Variants in FRY observed in about 807,000 individuals in gnomAD.
FRY encodes the protein protein furry homolog.
In FRY, 128 loss-of-function variants were observed where a neutral mutation model predicts 348.4. The observed-to-expected ratio is 0.37, with a 90% CI of 0.32 to 0.43. The LOEUF (loss-of-function observed/expected upper bound fraction) is 0.43, where lower values mean the gene tolerates loss of function less well. Among genes scored for constraint, FRY ranks in the 20% least tolerant of loss-of-function variants. FRY has a pLI of 1.00. For missense variants in FRY, 2,736 were observed against 3,695.2 expected (o/e 0.74, Z 6.73); for synonymous variants, 1,370 against 1,374.7 (o/e 1.00, Z 0.08).
Position 32,276,448 on chromosome 13 carries a change from AT to A in FRY, c.8287-12del. Reference sequence around the variant, plus strand: ...TATCTCTCTAGTTTTAATACCAATTATTTTCCTGTCTTTAGCTCCTTTCATG... The same window carrying A: ...TATCTCTCTAGTTTTAATACCAATTATTTCCTGTCTTTAGCTCCTTTCATG... On this transcript the variant is annotated splice_polypyrimidine_tract_variant and intron_variant, in intron 56 of 60. Coordinates refer to ENST00000542859, the MANE Select transcript of FRY (RefSeq NM_023037.3). 7.4e-7 allele frequency: 1 copy of A among 1,350,780 alleles called. No homozygotes were observed. The highest frequency in any genetic ancestry group is 1.1e-6 in the Non-Finnish European group (1 of 939,678). 83.7% of individuals were successfully genotyped at this position (1,350,780 alleles called of 1,614,324 possible).
chr13:32,066,497 A>G (rs550137690), intron 1 of FRY, among the ~76,000 whole-genome samples: 5 of 152,336 alleles, frequency 3.3e-5, no homozygotes, highest in African/African-American at 1.2e-4. Flanking sequence ...ATATATTGCC[A>G]CAGGTTGGGG....
At chr13:32,205,844 G>A (rs887519619) in intron 31 of FRY, among the ~76,000 whole-genome samples, 7 of 151,890 alleles carry the variant, frequency 4.6e-5, no homozygotes, top group African/African-American at 1.5e-4. Flanking sequence ...AGAAACAATG[G>A]CAATAGTCCA....
chr13:32,041,702 C>G (rs557922391), intron 1 of FRY, among the ~76,000 whole-genome samples: 1 of 152,268 alleles, frequency 6.6e-6, no homozygotes, highest in Non-Finnish European at 1.5e-5. Flanking sequence ...GTTGAGGGTG[C>G]AAGACAACCT....
chr13:32,227,708 C>T (rs1885655139), intron 39 of FRY, among the ~76,000 whole-genome samples: 2 of 151,494 alleles, frequency 1.3e-5, no homozygotes, highest in African/African-American at 4.9e-5. Flanking sequence ...AGTAACCAGC[C>T]ATTAAGTGAC....
chr13:32,222,263 G>A (rs772567888), intron 36 of FRY, among the ~76,000 whole-genome samples: 1 of 152,196 alleles, frequency 6.6e-6, no homozygotes, highest in Non-Finnish European at 1.5e-5. Flanking sequence ...AGTGGGGTGA[G>A]CAAGGGTGCG....
intron 35 of FRY, among the ~76,000 whole-genome samples, chr13:32,217,704 C>T (rs1885075775): frequency 6.6e-6 from 1 of 152,200 alleles, no homozygotes; most frequent in Admixed American, 6.5e-5. Flanking sequence ...CAACACTAGA[C>T]AAGGTGTATA....
At chr13:32,113,484 A>G (rs1324706486) in intron 3 of FRY, among the ~76,000 whole-genome samples, 3 of 152,220 alleles carry the variant, frequency 2.0e-5, no homozygotes, top group Non-Finnish European at 2.9e-5. Flanking sequence ...ACATTAAAAC[A>G]TTTACAAAGT....
chr13:32,167,565 G>T (rs1276082283), intron 17 of FRY, among the ~76,000 whole-genome samples: 3 of 152,162 alleles, frequency 2.0e-5, no homozygotes. Flanking sequence ...CATCTGCAAT[G>T]ACCTCATTTC....
chr13:32,188,080 A>G (rs1369968649), intron 28 of FRY, among the ~76,000 whole-genome samples: 1 of 152,170 alleles, frequency 6.6e-6, no homozygotes, highest in African/African-American at 2.4e-5. Flanking sequence ...TGTGGGCTGT[A>G]AGTAAAGCCT....
intron 1 of FRY, among the ~76,000 whole-genome samples, chr13:32,037,007 G>T (rs1304236546): frequency 1.4e-5 from 2 of 144,558 alleles, no homozygotes; most frequent in East Asian, 2.1e-4. Context: ...TTGTCTCTCT[G>T]TTTCTCTCTC....
chr13:32,147,944 C>T lies in FRY; in HGVS notation c.1389C>T (p.Ala463=). 6.5e-7 allele frequency: 1 copy of T among 1,549,788 alleles called. No individual in the cohort carries two copies. The change falls in exon 13 of 61, where the codon GCC becomes GCT. Residue 463 remains alanine (A), a synonymous_variant. Transcript: ENST00000542859. ...TTGTGAAAATCATCCAGTTCATTGC[C>T]CAGGTAATGGAGAAGATTCCGGTGG... is the stretch of plus-strand genomic sequence containing the variant. The part of the protein sequence containing the change: ...NIFVKIIQFI[A]QERLDFAMKE...
intron 1 of FRY, among the ~76,000 whole-genome samples, chr13:32,037,059 A>T (rs440430): frequency 3.0e-5 from 1 of 33,470 alleles, no homozygotes; most frequent in Non-Finnish European, 8.0e-5. Flanking sequence ...CACACACACA[A>T]ACACACACAC....
At chr13:32,064,174 G>A (rs1265161646) in intron 1 of FRY, among the ~76,000 whole-genome samples, 1 of 152,092 alleles carries the variant, frequency 6.6e-6, no homozygotes, top group Non-Finnish European at 1.5e-5. Context: ...TAGCAGAGGG[G>A]AGTACCAAGG....
At chr13:32,032,330 T>C (rs1452513510) in intron 1 of FRY, among the ~76,000 whole-genome samples, 1 of 152,140 alleles carries the variant, frequency 6.6e-6, no homozygotes, top group Non-Finnish European at 1.5e-5. Flanking sequence ...TTTTTTAGGG[T>C]ATTGTCTGAA....
chr13:32,114,121 C>A (rs1243489500), intron 3 of FRY, among the ~76,000 whole-genome samples: 3 of 152,196 alleles, frequency 2.0e-5, no homozygotes, highest in Non-Finnish European at 4.4e-5. Flanking sequence ...GTTTAGGAGT[C>A]AAACGTAAGT....
chr13:32,090,160 A>G (rs1356213712), intron 2 of FRY, among the ~76,000 whole-genome samples: 1 of 151,880 alleles, frequency 6.6e-6, no homozygotes, highest in East Asian at 1.9e-4. Flanking sequence ...CATCCTGGCT[A>G]ACACGGTGGA....
chr13:32,042,969 A>G (rs996235963), intron 1 of FRY, among the ~76,000 whole-genome samples: 9 of 152,236 alleles, frequency 5.9e-5, no homozygotes, highest in African/African-American at 2.2e-4. Flanking sequence ...TAAAAACTAC[A>G]ATGGTATGTA....
intron 35 of FRY, 147 bp downstream of exon 35, chr13:32,212,529 A>G (rs574721782): frequency 3.1e-6 from 2 of 655,454 alleles, no homozygotes; most frequent in Admixed American, 2.2e-5. Context: ...TTACTTTCCA[A>G]CTCTACTCAG....
chr13:32,155,417 T>A, intron 14 of FRY, 74 bp from the exon 15 acceptor site: 1 of 1,085,192 alleles, frequency 9.2e-7, no homozygotes, highest in East Asian at 2.4e-5. Flanking sequence ...CTTAACTATC[T>A]GAAAGACTTA....
Sources: gnomAD v4.1 joint callset for allele counts (sites outside exome capture counted in the v4.1 genomes callset) on GRCh38, gnomAD v4.1.1 for gene constraint, MANE v1.5 for transcripts, NCBI Gene and HGNC (gene_info 2026-07-23, HGNC 2026-07-21) for gene names.